KIF25: variants seen among roughly 807,000 people sequenced by gnomAD.
KIF25 encodes the protein kinesin family member 25.
In KIF25, 19 loss-of-function variants were observed where a neutral mutation model predicts 32.9. The ratio of observed to expected loss-of-function variants is 0.58; its 90% CI spans 0.40 to 0.85. The LOEUF is 0.85. KIF25 is among the 40% of genes least tolerant of loss of function. KIF25 has a pLI of 0.00. For synonymous variants in KIF25, 225 were observed against 213.7 expected (o/e 1.05, Z -0.46); for missense variants, 485 against 507.0 (o/e 0.96, Z 0.42).
intron 11 of KIF25, 122 bp from the exon 12 acceptor site, chr6:168,042,439 C>G (rs1799138487): frequency 8.0e-7 from 1 of 1,243,534 alleles, no homozygotes; most frequent in Admixed American, 2.1e-5. Flanking sequence ...CACTCTCATG[C>G]CTGTCCCGTC....
At chr6:168,036,650 G>A (rs1799029952) in intron 8 of KIF25, among the ~76,000 whole-genome samples, 1 of 152,184 alleles carries the variant, frequency 6.6e-6, no homozygotes, top group African/African-American at 2.4e-5. Flanking sequence ...CTCTAACTTA[G>A]GTTTTGTGAC....
intron 5 of KIF25, 41 bp from the exon 6 acceptor site, chr6:168,029,451 G>A: frequency 1.1e-5 from 15 of 1,366,494 alleles, no homozygotes; most frequent in Admixed American, 7.7e-5. Context: ...AGGCATGGTC[G>A]TGGTAATACT....
At chr6:168,033,849 G>A in intron 7 of KIF25, 33 bp from the exon 8 acceptor site, 1 of 1,591,036 alleles carries the variant, frequency 6.3e-7, no homozygotes. Context: ...ACCCACGTGT[G>A]TTTTGCTGGA....
intron 8 of KIF25, chr6:168,036,075 C>T (rs926128664): frequency 1.5e-5 from 3 of 203,028 alleles, no homozygotes; most frequent in East Asian, 1.2e-4. Flanking sequence ...AAAAGGACTA[C>T]TCTTAGATTG....
At position 168,025,427 on chromosome 6, in the gene KIF25, G is replaced by A. The variant is rs549433799; in HGVS notation, c.-94-4065G>A. 2.0e-5 allele frequency among the ~76,000 whole-genome samples: 3 copies of A among 152,222 alleles called. No homozygotes were observed. In the South Asian group the frequency reaches 6.2e-4, roughly 32 times the overall value. On this transcript the variant is annotated intron_variant, in intron 5 of 12. Coordinates refer to ENST00000643607, the MANE Select transcript of KIF25 (RefSeq NM_030615.4). ...CGAGCCCCGCGGGGCTGGGGACAAG[G>A]TCTTACCTTGCATCCCAATAAATGA...
At chr6:168,042,232 A>G (rs977998113) in intron 11 of KIF25, 81 bp downstream of exon 11, 41 of 1,384,268 alleles carry the variant, frequency 3.0e-5, no homozygotes, top group Middle Eastern at 2.6e-4. Context: ...GCAACCAGGC[A>G]GCCCGGGAAG....
chr6:168,017,005 T>A (rs1798724094), intron 4 of KIF25, among the ~76,000 whole-genome samples: 1 of 152,244 alleles, frequency 6.6e-6, no homozygotes, highest in South Asian at 2.1e-4. Flanking sequence ...GGTTCACTAT[T>A]TGATTATCTC....
chr6:168,042,695 C>A lies in KIF25; in HGVS notation c.964C>A (p.His322Asn). ...CCCGTACCGGAACAGCAGGCTCACC[C>A]ACCTCCTTCAGGACTGCCTCGGTAA... The part of the protein sequence containing the change: ...HAPYRNSRLT[H>N]LLQDCLGGDA... The change falls in exon 12 of 13, where the codon CAC becomes AAC. Residue 322 changes from histidine (H) to asparagine (N), a missense_variant. This residue lies in a region of KIF25 where 480 missense variants were observed against 470.3 expected (regional missense o/e 1.02). Transcript: ENST00000643607. 2 of 1,612,558 alleles carry A rather than the reference C, an allele frequency of 1.2e-6. No individual in the cohort carries two copies. The highest frequency in any genetic ancestry group is 1.7e-6 in the Non-Finnish European group (2 of 1,179,864).
chr6:168,026,661 G>GA (rs146092136), intron 5 of KIF25, among the ~76,000 whole-genome samples: 4 of 152,096 alleles, frequency 2.6e-5, no homozygotes, highest in African/African-American at 7.2e-5. Context: ...TTACTATTCA[G>GA]AAAAAATATT....
chr6:168,044,774 C>T (rs1799193191), intron 12 of KIF25, 53 bp from the exon 13 acceptor site: 2 of 1,513,218 alleles, frequency 1.3e-6, no homozygotes, highest in Non-Finnish European at 1.8e-6. Flanking sequence ...CATGTTGGCA[C>T]TTTCAGATGC....
At position 168,038,704 on chromosome 6, in the gene KIF25, A is replaced by G. The variant is rs1299224986; in HGVS notation, c.469A>G (p.Thr157Ala). The G allele has an allele frequency of 6.2e-7, 1 of 1,613,812 alleles. No individual in the cohort carries two copies. The highest frequency in any genetic ancestry group is 1.3e-5 in the African/African-American group (1 of 74,916). The change falls in exon 9 of 13, where the codon ACA (threonine) becomes GCA (alanine). Residue 157 changes from threonine (T) to alanine (A), a missense_variant. Around this residue, in one of 2 missense-constraint regions of KIF25, gnomAD observed 480 missense variants for 470.3 expected, o/e 1.02. Coordinates refer to ENST00000643607, the MANE Select transcript of KIF25 (RefSeq NM_030615.4). Reference protein sequence around the residue: ...REVVTAKDGRTEVALLASEAV... With the variant: ...REVVTAKDGRAEVALLASEAV... ...GGTGGTGACAGCCAAGGATGGACGGACAGAGGTTGCGCTGCTGGCCTCTGA... is the reference window on the plus strand; with the variant it reads ...GGTGGTGACAGCCAAGGATGGACGGGCAGAGGTTGCGCTGCTGGCCTCTGA...
intron 4 of KIF25, among the ~76,000 whole-genome samples, chr6:168,017,468 A>G (rs1798731434): frequency 6.6e-6 from 1 of 152,254 alleles, no homozygotes; most frequent in African/African-American, 2.4e-5. Flanking sequence ...TACACAGGAT[A>G]TAATTTAAGA....
At chr6:168,034,122 C>G in intron 8 of KIF25, 91 bp downstream of exon 8, 2 of 1,365,444 alleles carry the variant, frequency 1.5e-6, no homozygotes, top group Non-Finnish European at 2.0e-6. Context: ...AAATTATTAC[C>G]ATTTGAAGAA....
At chr6:168,002,981 A>C (rs746959514) in intron 3 of KIF25, among the ~76,000 whole-genome samples, 5 of 152,238 alleles carry the variant, frequency 3.3e-5, no homozygotes, top group African/African-American at 4.8e-5. Context: ...CTGGTCTGAC[A>C]GGAGGTGGAG....
At chr6:168,025,275 T>C (rs1402431550) in intron 5 of KIF25, among the ~76,000 whole-genome samples, 2 of 152,132 alleles carry the variant, frequency 1.3e-5, no homozygotes, top group Non-Finnish European at 2.9e-5. Context: ...TTCTTCTCAG[T>C]TTCCCTGTGT....
chr6:168,039,103 TTAGAGA>T (rs1311559701), intron 9 of KIF25, among the ~76,000 whole-genome samples: 1 of 151,472 alleles, frequency 6.6e-6, no homozygotes, highest in African/African-American at 2.5e-5. Flanking sequence ...CTTAAAGCTG[TTAGAGA>T]TAAAAGTAAA....
intron 4 of KIF25, among the ~76,000 whole-genome samples, chr6:168,007,044 C>T (rs908359814): frequency 1.3e-5 from 2 of 152,132 alleles, no homozygotes; most frequent in Admixed American, 6.5e-5. Context: ...TGTATACATT[C>T]GACATCTACA....
At chr6:168,038,003 C>T (rs770366234) in intron 8 of KIF25, among the ~76,000 whole-genome samples, 4 of 152,224 alleles carry the variant, frequency 2.6e-5, no homozygotes, top group Non-Finnish European at 4.4e-5. Flanking sequence ...TGTGAGCCAC[C>T]GTGCCTGGCT....
At position 168,044,829 on chromosome 6, in the gene KIF25, G is replaced by T; in HGVS notation, c.988G>T (p.Gly330Cys). 6.3e-7 allele frequency: 1 copy of T among 1,581,190 alleles called. No individual in the cohort carries two copies. The highest frequency in any genetic ancestry group is 1.4e-5 in the African/African-American group (1 of 73,622). Residue 330 changes from glycine to cysteine, a missense_variant and splice_region_variant, in exon 13 of 13, where the codon GGC becomes TGC. Transcript: ENST00000643607. ...CATGTTGTTTTTCTATTTTAAAGGA[G>T]GCGATGCGAAGTTACTGGTGATTCT... Reference protein sequence around the residue: ...LTHLLQDCLGGDAKLLVILCI... With the variant: ...LTHLLQDCLGCDAKLLVILCI...
Sources: allele counts gnomAD v4.1 joint callset (sites outside exome capture counted in the v4.1 genomes callset), GRCh38; gene constraint gnomAD v4.1.1; regional missense constraint gnomAD v4.1.1; transcripts MANE v1.5; gene names NCBI Gene and HGNC (gene_info 2026-07-23, HGNC 2026-07-21).